Variants in MAN1C1 observed in about 807,000 individuals in gnomAD.
MAN1C1 encodes mannosyl-oligosaccharide 1,2-alpha-mannosidase IC.
In MAN1C1, 49 loss-of-function variants were observed where a neutral mutation model predicts 71.5. The ratio of observed to expected loss-of-function variants is 0.69; its 90% confidence interval spans 0.54 to 0.87. The LOEUF is 0.87. Among genes scored for constraint, MAN1C1 ranks in the 40% least tolerant of loss-of-function variants. MAN1C1 has a pLI of 0.00. For synonymous variants in MAN1C1, 352 were observed against 343.7 expected (o/e 1.02, Z -0.27); for missense variants, 743 against 835.0 (o/e 0.89, Z 1.36).
intron 1 of MAN1C1, among the ~76,000 whole-genome samples, chr1:25,624,998 ATTTTTTTTTTTT>A (rs1032269792): frequency 4.9e-4 from 50 of 101,604 alleles, no homozygotes; most frequent in African/African-American, 2.2e-3. Flanking sequence ...AAATGCACAG[ATTTTTTTTTTTT>A]TTTTTTTTTT....
rs1167362769 is a variant in MAN1C1, at chr1:25,711,108, C to G, written c.637+24572C>G. ...TTGGTTAGATGACTCAGCTCTGTTCCATGTGGACCTGGACTTCTCTCATGG... is the reference window on the plus strand; with the variant it reads ...TTGGTTAGATGACTCAGCTCTGTTCGATGTGGACCTGGACTTCTCTCATGG... On this transcript the variant is annotated intron_variant, in intron 2 of 11. Coordinates refer to ENST00000374332, the MANE Select transcript of MAN1C1 (RefSeq NM_020379.4). This position sits in a 1 kb window ranked among gnomAD's most constrained non-coding sequence, Gnocchi z 4.3. 1.3e-5 allele frequency among the ~76,000 whole-genome samples: 2 copies of G among 152,164 alleles called. No individual in the cohort carries two copies. Among genetic ancestry groups the G allele is most frequent in the Admixed American group, 1.3e-4 (2 of 15,278 alleles).
In MAN1C1 at chr1:25,659,098, TC is replaced by T. The variant is rs2045810578; in HGVS notation, c.541-27339del. On this transcript the variant is annotated intron_variant, in intron 1 of 11. Transcript: ENST00000374332. Reference sequence around the variant, plus strand: ...GAAGGCACCCGCCTGCCTCGGATGTTCCCTGATCTAAGCCCAGCTGTACCCA... The same window carrying T: ...GAAGGCACCCGCCTGCCTCGGATGTTCCTGATCTAAGCCCAGCTGTACCCA... The T allele has an allele frequency of 3.3e-5, 5 of 152,470 alleles. No homozygotes were observed. In the Middle Eastern group the frequency reaches 0.014, roughly 412 times the overall value. The allele number at this position is 152,470 out of a possible 1,614,324, so 9.4% of individuals were successfully genotyped here.
chr1:25,721,406 G>C (rs1171745068), intron 2 of MAN1C1, among the ~76,000 whole-genome samples: 1 of 151,928 alleles, frequency 6.6e-6, no homozygotes, highest in Non-Finnish European at 1.5e-5. Flanking sequence ...TAAGTTTTCC[G>C]GTTCATGAAT....
intron 1 of MAN1C1, among the ~76,000 whole-genome samples, chr1:25,624,357 C>G (rs3754161): frequency 0.11 from 16,827 of 152,112 alleles, 2,146 homozygotes; most frequent in African/African-American, 0.29. Context: ...AGAATAGAAG[C>G]CACAGAGACC....
intron 1 of MAN1C1, among the ~76,000 whole-genome samples, chr1:25,682,481 A>G (rs755718171): frequency 1.2e-4 from 19 of 152,190 alleles, no homozygotes; most frequent in African/African-American, 3.6e-4. Flanking sequence ...GCCAGCCACA[A>G]CAAATGAGTG....
At chr1:25,771,838 C>A (rs548510467) in intron 8 of MAN1C1, 66 bp downstream of exon 8, 5 of 1,346,848 alleles carry the variant, frequency 3.7e-6, no homozygotes, top group East Asian at 4.6e-5. Flanking sequence ...CACGGCCGAG[C>A]GAGGGTGCTG....
Position 25,631,944 on chromosome 1 carries a change from G to T in MAN1C1, c.540+13607G>T, listed in dbSNP as rs1334920997. 6.6e-6 allele frequency among the ~76,000 whole-genome samples: 1 copy of T among 152,100 alleles called. No individual in the cohort carries two copies. Among genetic ancestry groups the T allele is most frequent in the East Asian group, 1.9e-4 (1 of 5,202 alleles). ...ATGCCACTACGCACGGCTAATTTTT[G>T]TATTTTTTGTAGGATGGGGTTTCAC... is the stretch of plus-strand genomic sequence containing the variant. On this transcript the variant is annotated intron_variant, in intron 1 of 11. Coordinates refer to ENST00000374332, the MANE Select transcript of MAN1C1 (RefSeq NM_020379.4). This position sits in a 1 kb window ranked among gnomAD's most constrained non-coding sequence, Gnocchi z 4.2.
intron 2 of MAN1C1, among the ~76,000 whole-genome samples, chr1:25,729,540 C>G (rs1262098367): frequency 2.0e-5 from 3 of 149,620 alleles, no homozygotes; most frequent in Non-Finnish European, 4.4e-5. Flanking sequence ...ATGATGTGAT[C>G]TAGTTCTGTC....
intron 5 of MAN1C1, among the ~76,000 whole-genome samples, chr1:25,756,687 G>A (rs560821016): frequency 6.6e-5 from 10 of 152,204 alleles, no homozygotes; most frequent in African/African-American, 2.2e-4. Context: ...GTCTTAGGGT[G>A]GGAGGCCCAG....
intron 1 of MAN1C1, among the ~76,000 whole-genome samples, chr1:25,670,713 C>T (rs1033953353): frequency 3.3e-5 from 5 of 152,198 alleles, no homozygotes; most frequent in African/African-American, 9.6e-5. Context: ...ATCAGCCAGA[C>T]CCCAGCTTCA....
chr1:25,749,613 A>G (rs1276166070), intron 4 of MAN1C1, among the ~76,000 whole-genome samples: 1 of 152,034 alleles, frequency 6.6e-6, no homozygotes, highest in Admixed American at 6.5e-5. Flanking sequence ...GCAAGAGGAG[A>G]ATGGCTCTTC....
chr1:25,704,329 C>T (rs116760094), intron 2 of MAN1C1, among the ~76,000 whole-genome samples: 7,593 of 152,268 alleles, frequency 0.05, 383 homozygotes, highest in East Asian at 0.18. Context: ...GAGCTGCCTC[C>T]AAGCCAGCCT....
At chr1:25,659,592 T>G (rs1557753036) in intron 1 of MAN1C1, among the ~76,000 whole-genome samples, 3 of 152,204 alleles carry the variant, frequency 2.0e-5, no homozygotes, top group Admixed American at 1.3e-4. Context: ...CAAACATTGA[T>G]GTAGCTTCTT....
chr1:25,685,677 G>C (rs910524687), intron 1 of MAN1C1, among the ~76,000 whole-genome samples: 1 of 152,180 alleles, frequency 6.6e-6, no homozygotes, highest in Non-Finnish European at 1.5e-5. Flanking sequence ...GGAAGAACTT[G>C]TGCATACTCT....
chr1:25,769,344 A>G lies in MAN1C1; in HGVS notation c.1142-2313A>G, dbSNP rs770044500. Among the ~76,000 whole-genome samples the G allele has an allele frequency of 6.7e-6, 1 of 150,316 alleles. No individual in the cohort carries two copies. Among genetic ancestry groups the G allele is most frequent in the Non-Finnish European group, 1.5e-5 (1 of 67,704 alleles). ...CCATACACCTACATACACCACACAC[A>G]TTCATTCACCACACATACACACTCA... On this transcript the variant is annotated intron_variant, in intron 7 of 11. Transcript: ENST00000374332. The surrounding 1 kb of genome is among the most constrained non-coding windows in gnomAD (Gnocchi z 4.8).
chr1:25,633,181 A>T (rs1033489246), intron 1 of MAN1C1, among the ~76,000 whole-genome samples: 1 of 152,164 alleles, frequency 6.6e-6, no homozygotes, highest in Admixed American at 6.5e-5. Context: ...TCGATATTTT[A>T]AAAATGTATT....
intron 10 of MAN1C1, 78 bp downstream of exon 10, chr1:25,781,190 C>A: frequency 1.3e-6 from 2 of 1,537,432 alleles, no homozygotes; most frequent in Non-Finnish European, 1.8e-6. Context: ...GGTGCCCTGG[C>A]TTGGGCCTGG....
In MAN1C1 at chr1:25,769,743, C is replaced by A. The variant is rs11585197; in HGVS notation, c.1142-1914C>A. Among the ~76,000 whole-genome samples, 18,548 of 152,172 alleles carry A rather than the reference C, an allele frequency of 0.12. 1,364 individuals are homozygous for A. Among genetic ancestry groups the A allele is most frequent in the East Asian group, 0.22 (1,140 of 5,136 alleles). On this transcript the variant is annotated intron_variant, in intron 7 of 11. Coordinates refer to ENST00000374332, the MANE Select transcript of MAN1C1 (RefSeq NM_020379.4). This position sits in a 1 kb window ranked among gnomAD's most constrained non-coding sequence, Gnocchi z 4.8. ...AGAGCGGGAGTCGCATGCAATCCCTCCCCACAAAGAGCCCACGAGCTAGTG... is the reference window on the plus strand; with the variant it reads ...AGAGCGGGAGTCGCATGCAATCCCTACCCACAAAGAGCCCACGAGCTAGTG...
intron 8 of MAN1C1, among the ~76,000 whole-genome samples, chr1:25,773,988 A>C (rs2047587381): frequency 1.3e-5 from 2 of 152,188 alleles, no homozygotes; most frequent in South Asian, 4.1e-4. Flanking sequence ...CCCGGGCCAC[A>C]CATAAACCTC....
Sources: allele counts gnomAD v4.1 joint callset (sites outside exome capture counted in the v4.1 genomes callset), GRCh38; gene constraint gnomAD v4.1.1; non-coding constraint Gnocchi (gnomAD v3.1); transcripts MANE v1.5; gene names NCBI Gene and HGNC (gene_info 2026-07-23, HGNC 2026-07-21).